The following NXPH4 variants were observed in gnomAD, a reference collection of about 807,000 sequenced individuals.
NXPH4 encodes neurexophilin-4.
A neutral mutation model predicts 21.3 loss-of-function variants in NXPH4; 8 were observed. That is an observed-to-expected ratio of 0.38 (90% CI 0.22 to 0.68). NXPH4 has a LOEUF of 0.68. NXPH4 is among the 30% of genes least tolerant of loss of function. The pLI, the probability that NXPH4 is intolerant of heterozygous loss-of-function variation, is 0.53. For missense variants in NXPH4, 418 were observed against 416.8 expected (o/e 1.00, Z -0.03); for synonymous variants, 219 against 192.6 (o/e 1.14, Z -1.13).
Position 57,225,996 on chromosome 12 carries a change from A to G in NXPH4, c.*249A>G. Reference sequence around the variant, plus strand: ...AAAGGGATAAGAGTGCAGCCCCAGAATAGGCGGGGCTTGGAGGCGGTCCCA... The same window carrying G: ...AAAGGGATAAGAGTGCAGCCCCAGAGTAGGCGGGGCTTGGAGGCGGTCCCA... On this transcript the variant is annotated 3_prime_UTR_variant, in exon 2 of 2. Transcript: ENST00000349394. 7.6e-7 allele frequency: 1 copy of G among 1,307,232 alleles called. No homozygotes were observed. The highest frequency in any genetic ancestry group is 1.0e-6 in the Non-Finnish European group (1 of 1,002,596). The allele number at this position is 1,307,232 out of a possible 1,614,324, so 81.0% of individuals were successfully genotyped here.
In NXPH4 at chr12:57,225,485, T is replaced by A; in HGVS notation, c.665T>A (p.Val222Glu). 1.2e-6 allele frequency: 2 copies of A among 1,603,652 alleles called. No homozygotes were observed. Among genetic ancestry groups the A allele is most frequent in the Non-Finnish European group, 1.7e-6 (2 of 1,176,472 alleles). ...LAGPLGGALG[V>E]PGAKESRAFN... ...GGGCCGCTTGGGGGCGCGTTGGGAG[T>A]GCCTGGGGCCAAAGAGTCACGCGCT... Residue 222 changes from valine to glutamate, a missense_variant, in exon 2 of 2, where the codon GTG becomes GAG. Physicochemically the swap from Val to Glu is moderately radical, Grantham distance 121. Transcript: ENST00000349394.
chr12:57,225,564 G>T lies in NXPH4; in HGVS notation c.744G>T (p.Pro248=). The change falls in exon 2 of 2, where the codon CCG becomes CCT. Residue 248 remains proline, a synonymous_variant. Coordinates refer to ENST00000349394, the MANE Select transcript of NXPH4 (RefSeq NM_007224.4). ...EKTNRARKHR[P]CLYDPSQVCF... Reference sequence around the variant, plus strand: ...CAAACCGCGCGCGCAAGCACCGACCGTGCCTGTACGACCCGTCGCAGGTGT... The same window carrying T: ...CAAACCGCGCGCGCAAGCACCGACCTTGCCTGTACGACCCGTCGCAGGTGT... 6.2e-7 allele frequency: 1 copy of T among 1,613,388 alleles called. No homozygotes were observed.
Position 57,225,564 on chromosome 12 carries a change from G to GCA in NXPH4, c.744_745insCA (p.Cys249HisfsTer128). 6.2e-7 allele frequency: 1 copy of GCA among 1,613,388 alleles called. No homozygotes were observed. The highest frequency in any genetic ancestry group is 8.5e-7 in the Non-Finnish European group (1 of 1,180,012). Reference sequence around the variant, plus strand: ...CAAACCGCGCGCGCAAGCACCGACCGTGCCTGTACGACCCGTCGCAGGTGT... The same window carrying GCA: ...CAAACCGCGCGCGCAAGCACCGACCGCATGCCTGTACGACCCGTCGCAGGTGT... On this transcript the variant is annotated frameshift_variant, in exon 2 of 2. Coordinates refer to ENST00000349394, the MANE Select transcript of NXPH4 (RefSeq NM_007224.4). LOFTEE classifies it high-confidence loss of function.
At chr12:57,219,190 C>T (rs1265698511) in intron 1 of NXPH4, among the ~76,000 whole-genome samples, 2 of 152,074 alleles carry the variant, frequency 1.3e-5, no homozygotes, top group African/African-American at 4.8e-5. Context: ...CCATGAACGG[C>T]TGACACCTCT....
intron 1 of NXPH4, among the ~76,000 whole-genome samples, chr12:57,222,352 C>G (rs752104148): frequency 6.6e-6 from 1 of 152,224 alleles, no homozygotes; most frequent in African/African-American, 2.4e-5. Context: ...TCCTCCCCTC[C>G]CCCTGCCCCT....
chr12:57,220,407 G>T (rs1271454304), intron 1 of NXPH4, among the ~76,000 whole-genome samples: 4 of 152,250 alleles, frequency 2.6e-5, no homozygotes, highest in Admixed American at 1.3e-4. Flanking sequence ...GGCGGGGGGC[G>T]GGGGGGCAGT....
Position 57,226,012 on chromosome 12 carries a change from G to A in NXPH4, c.*265G>A, listed in dbSNP as rs2037144886. 1 of 1,247,138 alleles carries A rather than the reference G, an allele frequency of 8.0e-7. No individual in the cohort carries two copies. The highest frequency in any genetic ancestry group is 1.1e-6 in the Non-Finnish European group (1 of 941,764). 77.3% of individuals were successfully genotyped at this position (1,247,138 alleles called of 1,614,324 possible). On this transcript the variant is annotated 3_prime_UTR_variant, in exon 2 of 2. Transcript: ENST00000349394. ...AGCCCCAGAATAGGCGGGGCTTGGAGGCGGTCCCAATGTCCCCTGGGTCCA... is the reference window on the plus strand; with the variant it reads ...AGCCCCAGAATAGGCGGGGCTTGGAAGCGGTCCCAATGTCCCCTGGGTCCA...
In NXPH4 at chr12:57,216,812, C is replaced by G. The variant is rs1267156594; in HGVS notation, c.-158C>G. 5.9e-5 allele frequency: 15 copies of G among 254,904 alleles called. No individual in the cohort carries two copies. The South Asian group carries it at 1.8e-3, about 31-fold the overall frequency. The allele number at this position is 254,904 out of a possible 1,614,324, so 15.8% of individuals were successfully genotyped here. On this transcript the variant is annotated 5_prime_UTR_variant, in exon 1 of 2. Transcript: ENST00000349394. This position sits in a 1 kb window ranked among gnomAD's most constrained non-coding sequence, Gnocchi z 5.3. ...CGCCCCCAGCGCCGGCTCCGCGCCT[C>G]GCGCCCAGTCCGCGGGCCGCGCCGC...
chr12:57,221,955 G>A (rs1290432874), intron 1 of NXPH4, among the ~76,000 whole-genome samples: 1 of 152,160 alleles, frequency 6.6e-6, no homozygotes, highest in African/African-American at 2.4e-5. Flanking sequence ...ATTTGAGACA[G>A]AGACAGTGAG....
At chr12:57,218,436 C>T (rs973917891) in intron 1 of NXPH4, among the ~76,000 whole-genome samples, 3 of 152,176 alleles carry the variant, frequency 2.0e-5, no homozygotes, top group Admixed American at 6.5e-5. Context: ...TGTGCCCTAC[C>T]ACCCACCCAC....
chr12:57,220,772 C>T (rs535732997), intron 1 of NXPH4, among the ~76,000 whole-genome samples: 2 of 152,278 alleles, frequency 1.3e-5, no homozygotes, highest in African/African-American at 4.8e-5. Flanking sequence ...TCCCTTGTCC[C>T]CCATTTCCCA....
rs769207367 is a variant in NXPH4, at chr12:57,225,030, G to T, written c.210G>T (p.Pro70=). The T allele has an allele frequency of 6.7e-7, 1 of 1,487,138 alleles. No individual in the cohort carries two copies. The highest frequency in any genetic ancestry group is 1.3e-5 in the South Asian group (1 of 77,326). 92.1% of individuals were successfully genotyped at this position (1,487,138 alleles called of 1,614,324 possible). The change falls in exon 2 of 2, where the codon CCG becomes CCT. Residue 70 remains proline (P), a synonymous_variant. Transcript: ENST00000349394. ...GVGRAWSWAW[P]TNHTGALARA... Reference sequence around the variant, plus strand: ...GCCGCGCCTGGAGCTGGGCCTGGCCGACCAACCACACGGGGGCGCTGGCCC... The same window carrying T: ...GCCGCGCCTGGAGCTGGGCCTGGCCTACCAACCACACGGGGGCGCTGGCCC...
At chr12:57,223,806 G>A (rs1055987847) in intron 1 of NXPH4, among the ~76,000 whole-genome samples, 7 of 152,122 alleles carry the variant, frequency 4.6e-5, no homozygotes, top group Non-Finnish European at 1.0e-4. Context: ...TGGCCCGGCC[G>A]CTCCTGCCTC....
chr12:57,217,063 G>C, intron 1 of NXPH4, 37 bp downstream of exon 1: 2 of 1,563,068 alleles, frequency 1.3e-6, no homozygotes, highest in Non-Finnish European at 1.7e-6. Flanking sequence ...GCGCGGGCGC[G>C]GGGTTCCGGG....
At chr12:57,222,301 TG>T (rs2136770230) in intron 1 of NXPH4, among the ~76,000 whole-genome samples, 1 of 152,170 alleles carries the variant, frequency 6.6e-6, no homozygotes, top group African/African-American at 2.4e-5. Flanking sequence ...AGATCAGAGA[TG>T]GGGGTGACAC....
chr12:57,217,163 G>A, intron 1 of NXPH4, 137 bp downstream of exon 1: 2 of 736,340 alleles, frequency 2.7e-6, no homozygotes, highest in South Asian at 1.8e-5. Context: ...GGGGGAAGCG[G>A]ACAGACAGAC....
Position 57,225,523 on chromosome 12 carries a change from G to T in NXPH4, c.703G>T (p.Val235Leu). Reference protein sequence around the residue: ...AKESRAFNCHVEYEKTNRARK... With the variant: ...AKESRAFNCHLEYEKTNRARK... ...AGAGTCACGCGCTTTCAATTGCCAC[G>T]TGGAGTATGAGAAGACAAACCGCGC... Residue 235 changes from valine (V) to leucine (L), a missense_variant, in exon 2 of 2, where the codon GTG (valine) becomes TTG (leucine). Transcript: ENST00000349394. 1 of 1,612,620 alleles carries T rather than the reference G, an allele frequency of 6.2e-7. No individual in the cohort carries two copies. The highest frequency in any genetic ancestry group is 8.5e-7 in the Non-Finnish European group (1 of 1,179,938).
chr12:57,225,989 C>A lies in NXPH4; in HGVS notation c.*242C>A. 2 of 1,355,492 alleles carry A rather than the reference C, an allele frequency of 1.5e-6. No individual in the cohort carries two copies. The highest frequency in any genetic ancestry group is 2.6e-5 in the East Asian group (1 of 38,882). 84.0% of individuals were successfully genotyped at this position (1,355,492 alleles called of 1,614,324 possible). ...CAAAGTGAAAGGGATAAGAGTGCAG[C>A]CCCAGAATAGGCGGGGCTTGGAGGC... On this transcript the variant is annotated 3_prime_UTR_variant, in exon 2 of 2. Coordinates refer to ENST00000349394, the MANE Select transcript of NXPH4 (RefSeq NM_007224.4).
intron 1 of NXPH4, among the ~76,000 whole-genome samples, chr12:57,219,389 C>G (rs1371040820): frequency 1.3e-5 from 2 of 152,192 alleles, no homozygotes; most frequent in Non-Finnish European, 2.9e-5. Context: ...CTCTGTCTCC[C>G]CGACCCCTTG....
Sources: gnomAD v4.1 joint callset for allele counts (sites outside exome capture counted in the v4.1 genomes callset) on GRCh38, gnomAD v4.1.1 for gene constraint, Gnocchi (gnomAD v3.1) non-coding constraint, MANE v1.5 for transcripts, NCBI Gene and HGNC (gene_info 2026-07-23, HGNC 2026-07-21) for gene names.